UGT8: variants seen among roughly 807,000 people sequenced by gnomAD.
UGT8 encodes UDP glycosyltransferase 8, also known as 2-hydroxyacylsphingosine 1-beta-galactosyltransferase.
In UGT8, 12 loss-of-function variants were observed where a neutral mutation model predicts 40.5. That is an observed-to-expected ratio of 0.30 (90% CI 0.19 to 0.48). The LOEUF (loss-of-function observed/expected upper bound fraction) is 0.48. UGT8 is among the 20% of genes least tolerant of loss of function. The pLI is 0.99. For missense variants in UGT8, 513 were observed against 648.7 expected (o/e 0.79, Z 2.27); for synonymous variants, 224 against 240.4 (o/e 0.93, Z 0.63).
At chr4:114,603,252 A>G (rs1730542164) in intron 1 of UGT8, among the ~76,000 whole-genome samples, 2 of 152,194 alleles carry the variant, frequency 1.3e-5, no homozygotes, top group East Asian at 3.9e-4. Flanking sequence ...CGAACTGGAG[A>G]TGTGTGTCCA....
At chr4:114,663,695 G>A (rs1734687468) in intron 2 of UGT8, 1 of 984,918 alleles carries the variant, frequency 1.0e-6, no homozygotes, top group Non-Finnish European at 1.2e-6. Context: ...ACATGCATCA[G>A]TTGTCATTTC....
chr4:114,648,739 C>G (rs567944613), intron 2 of UGT8, among the ~76,000 whole-genome samples: 1 of 152,130 alleles, frequency 6.6e-6, no homozygotes, highest in African/African-American at 2.4e-5. Context: ...ATTGTTTGTC[C>G]CTTCAAATAT....
intron 2 of UGT8, among the ~76,000 whole-genome samples, chr4:114,633,031 G>A (rs1169369730): frequency 6.6e-6 from 1 of 152,086 alleles, no homozygotes; most frequent in Non-Finnish European, 1.5e-5. Flanking sequence ...AAACCGACTT[G>A]ACTTTTTTTT....
Position 114,633,520 on chromosome 4 carries a change from T to C in UGT8, c.822+9818T>C, listed in dbSNP as rs139741811. ...AGAAGCTGATGGCATGGAGCTAGGG[T>C]AGAGTGACTGAGGTGACCTTAGAGA... On this transcript the variant is annotated intron_variant, in intron 2 of 5. Transcript: ENST00000310836. Among the ~76,000 whole-genome samples the C allele has an allele frequency of 1.3e-3, 199 of 152,108 alleles. 1 individual carries two copies. In the East Asian group the frequency reaches 0.036, roughly 28 times the overall value.
At chr4:114,646,966 G>C (rs1027745736) in intron 2 of UGT8, among the ~76,000 whole-genome samples, 1 of 152,138 alleles carries the variant, frequency 6.6e-6, no homozygotes, top group African/African-American at 2.4e-5. Flanking sequence ...TATTGATCTA[G>C]GGAAAGAAGC....
intron 1 of UGT8, among the ~76,000 whole-genome samples, chr4:114,616,846 T>C (rs138441196): frequency 0.013 from 1,935 of 152,272 alleles, 31 homozygotes; most frequent in African/African-American, 0.035. Flanking sequence ...AATATTTCAG[T>C]AGTATATTGG....
At chr4:114,643,358 C>T (rs1204802636) in intron 2 of UGT8, among the ~76,000 whole-genome samples, 1 of 152,080 alleles carries the variant, frequency 6.6e-6, no homozygotes, top group Admixed American at 6.6e-5. Context: ...TTAGGCAGGA[C>T]TGTCCTTTAA....
intron 2 of UGT8, among the ~76,000 whole-genome samples, chr4:114,642,385 G>A (rs1474927944): frequency 1.3e-5 from 2 of 152,086 alleles, no homozygotes; most frequent in Non-Finnish European, 2.9e-5. Flanking sequence ...GGCCCTCAAT[G>A]AGCAGTAGGT....
intron 2 of UGT8, among the ~76,000 whole-genome samples, chr4:114,654,242 T>A (rs1288337804): frequency 1.3e-5 from 2 of 151,968 alleles, no homozygotes; most frequent in Non-Finnish European, 2.9e-5. Context: ...ACAAAGTAGG[T>A]ATTCAGTGAC....
chr4:114,674,649 T>C lies in UGT8; in HGVS notation c.1263-1276T>C, dbSNP rs575507999. Among the ~76,000 whole-genome samples the C allele has an allele frequency of 2.6e-5, 4 of 152,342 alleles. No individual in the cohort carries two copies. The South Asian group carries it at 8.3e-4, about 32-fold the overall frequency. On this transcript the variant is annotated intron_variant, in intron 5 of 5. Coordinates refer to ENST00000310836, the MANE Select transcript of UGT8 (RefSeq NM_001128174.3). Reference sequence around the variant, plus strand: ...CAATCTAATTTCTAACTAAACTTCATACTTTTTCCAAATGAATTTGTTCTG... The same window carrying C: ...CAATCTAATTTCTAACTAAACTTCACACTTTTTCCAAATGAATTTGTTCTG...
At chr4:114,656,726 G>C (rs1001612825) in intron 2 of UGT8, 1 of 492,516 alleles carries the variant, frequency 2.0e-6, no homozygotes, top group Non-Finnish European at 4.2e-6. Context: ...TGACCTGAGG[G>C]GGAAGTTTCA....
At chr4:114,627,350 C>T (rs529925798) in intron 2 of UGT8, among the ~76,000 whole-genome samples, 1 of 151,310 alleles carries the variant, frequency 6.6e-6, no homozygotes, top group East Asian at 2.0e-4. Context: ...CCTCTGCCTC[C>T]CAGGTTCAAG....
At chr4:114,634,027 A>T (rs953964929) in intron 2 of UGT8, among the ~76,000 whole-genome samples, 1 of 152,082 alleles carries the variant, frequency 6.6e-6, no homozygotes, top group African/African-American at 2.4e-5. Flanking sequence ...CAATTGGGTG[A>T]ATGTTGCAGT....
At chr4:114,631,805 G>A (rs1301260540) in intron 2 of UGT8, among the ~76,000 whole-genome samples, 1 of 152,176 alleles carries the variant, frequency 6.6e-6, no homozygotes, top group Non-Finnish European at 1.5e-5. Context: ...GGTAATTAAA[G>A]ATTTTCTCTG....
At chr4:114,644,592 C>T (rs929172733) in intron 2 of UGT8, among the ~76,000 whole-genome samples, 1 of 152,110 alleles carries the variant, frequency 6.6e-6, no homozygotes, top group Non-Finnish European at 1.5e-5. Context: ...CTCATTGTCT[C>T]CCTGAGGCTG....
intron 2 of UGT8, among the ~76,000 whole-genome samples, chr4:114,625,602 G>A (rs1323700043): frequency 1.3e-5 from 2 of 150,366 alleles, no homozygotes; most frequent in African/African-American, 4.9e-5. Flanking sequence ...TTGAGTTGCA[G>A]CAACTTGAAT....
At position 114,668,269 on chromosome 4, in the gene UGT8, C is replaced by G. The variant is rs1236970956; in HGVS notation, c.1227C>G (p.Leu409=). 1 of 1,613,520 alleles carries G rather than the reference C, an allele frequency of 6.2e-7. No homozygotes were observed. Among genetic ancestry groups the G allele is most frequent in the Non-Finnish European group, 8.5e-7 (1 of 1,179,746 alleles). Residue 409 remains leucine (L), a synonymous_variant, in exon 5 of 6, where the codon CTC becomes CTG. Transcript: ENST00000310836. ...LEWKTVTEKE[L]YEALVKVINN... ...GGAAGACAGTTACTGAAAAAGAGCTCTATGAAGCACTAGTGAAGGTTATCA... is the reference window on the plus strand; with the variant it reads ...GGAAGACAGTTACTGAAAAAGAGCTGTATGAAGCACTAGTGAAGGTTATCA...
intron 1 of UGT8, 103 bp from the exon 2 acceptor site, chr4:114,622,776 A>G (rs1335206691): frequency 2.3e-5 from 24 of 1,059,716 alleles, no homozygotes; most frequent in Non-Finnish European, 3.0e-5. Context: ...TTTTAGACAA[A>G]GTATTAGATC....
intron 1 of UGT8, among the ~76,000 whole-genome samples, chr4:114,610,114 A>G (rs1420770332): frequency 1.3e-5 from 2 of 152,202 alleles, no homozygotes; most frequent in Non-Finnish European, 2.9e-5. Flanking sequence ...TATCTGACAT[A>G]TGGCAGTGAC....
Sources: allele counts gnomAD v4.1 joint callset (sites outside exome capture counted in the v4.1 genomes callset), GRCh38; gene constraint gnomAD v4.1.1; transcripts MANE v1.5; gene names NCBI Gene and HGNC (gene_info 2026-07-23, HGNC 2026-07-21).